The following RIN3 variants were observed in gnomAD, a reference collection of about 807,000 sequenced individuals.
The protein encoded by RIN3 is RAB5 interacting protein 3.
In RIN3, 54 loss-of-function variants were observed where a neutral mutation model predicts 76.3. The observed-to-expected ratio is 0.71, with a 90% CI of 0.57 to 0.89. RIN3 has a LOEUF of 0.89. RIN3 is among the 40% of genes least tolerant of loss of function. The pLI is 0.00. For missense variants in RIN3, 1,256 were observed against 1,322.1 expected, an observed-to-expected ratio of 0.95 and a Z score of 0.78; for synonymous variants, 576 against 564.0, an observed-to-expected ratio of 1.02 and a Z score of -0.30.
intron 7 of RIN3, among the ~76,000 whole-genome samples, chr14:92,669,840 C>T (rs1888227062): frequency 6.6e-6 from 1 of 152,154 alleles, no homozygotes; most frequent in South Asian, 2.1e-4. Context: ...GGCCAGAGAC[C>T]CTGTGGCCCC....
chr14:92,537,634 C>CTTTTTTTTTTTTTTTTTTTTTTT lies in RIN3; in HGVS notation c.45-18112_45-18090dup, dbSNP rs576683908. ...CAGCTATAAGTGAGTGCCTTAGGGACTTTTTTTTTTTTTTTTTTTTTTTTT... is the reference window on the plus strand; with the variant it reads ...CAGCTATAAGTGAGTGCCTTAGGGACTTTTTTTTTTTTTTTTTTTTTTTTTTTTTTTTTTTTTTTTTTTTTTTT... On this transcript the variant is annotated intron_variant, in intron 1 of 9. Coordinates refer to ENST00000216487, the MANE Select transcript of RIN3 (RefSeq NM_024832.5). Among the ~76,000 whole-genome samples, 13 of 51,636 alleles carry CTTTTTTTTTTTTTTTTTTTTTTT rather than the reference C, an allele frequency of 2.5e-4. 3 individuals are homozygous for CTTTTTTTTTTTTTTTTTTTTTTT. Among genetic ancestry groups the CTTTTTTTTTTTTTTTTTTTTTTT allele is most frequent in the Admixed American group, 3.1e-4 (1 of 3,224 alleles). 33.9% of individuals were successfully genotyped at this position (51,636 alleles called of 152,430 possible).
intron 3 of RIN3, among the ~76,000 whole-genome samples, chr14:92,595,327 A>C (rs1280474244): frequency 6.6e-6 from 1 of 152,216 alleles, no homozygotes; most frequent in African/African-American, 2.4e-5. Context: ...GGATTGGGGC[A>C]AGAGTGGAAG....
At chr14:92,621,528 ACT>A (rs1371756629) in intron 4 of RIN3, among the ~76,000 whole-genome samples, 2 of 152,212 alleles carry the variant, frequency 1.3e-5, no homozygotes, top group Non-Finnish European at 2.9e-5. Flanking sequence ...AGGTGGGACA[ACT>A]TGAAAACTGT....
intron 1 of RIN3, among the ~76,000 whole-genome samples, chr14:92,552,045 G>C (rs1566839036): frequency 6.6e-6 from 1 of 152,212 alleles, no homozygotes; most frequent in Non-Finnish European, 1.5e-5. Context: ...TGCATGTTCT[G>C]TTGGGTGATG....
At chr14:92,527,967 G>T (rs1896787249) in intron 1 of RIN3, among the ~76,000 whole-genome samples, 1 of 151,600 alleles carries the variant, frequency 6.6e-6, no homozygotes, top group African/African-American at 2.4e-5. Flanking sequence ...TTTGCATGTA[G>T]ATTGTTTCAT....
rs1489948633 is a variant in RIN3, at chr14:92,514,992, C to T, written c.44+1016C>T. 2.6e-5 allele frequency among the ~76,000 whole-genome samples: 4 copies of T among 152,192 alleles called. No individual in the cohort carries two copies. Among genetic ancestry groups the T allele is most frequent in the Non-Finnish European group, 5.9e-5 (4 of 68,040 alleles). On this transcript the variant is annotated intron_variant, in intron 1 of 9. Coordinates refer to ENST00000216487, the MANE Select transcript of RIN3 (RefSeq NM_024832.5). The surrounding 1 kb of genome is among the most constrained non-coding windows in gnomAD (Gnocchi z 7.2). The stretch of plus-strand genomic sequence containing the variant: ...GCAGTGGGACCTCATCTCCCAGGCC[C>T]TCAGTTCTCTGCTCTGTGAAACAGG...
chr14:92,674,741 C>T (rs7158716), intron 7 of RIN3, among the ~76,000 whole-genome samples: 46,228 of 151,462 alleles, frequency 0.31, 7,544 homozygotes, highest in Non-Finnish European at 0.36. Flanking sequence ...ATACAAAAAT[C>T]AGCTGGGTAT....
intron 3 of RIN3, among the ~76,000 whole-genome samples, chr14:92,603,790 C>T (rs930909612): frequency 1.3e-5 from 2 of 152,184 alleles, no homozygotes; most frequent in African/African-American, 2.4e-5. Flanking sequence ...TTTCCTCAGG[C>T]AGGAAAGGGT....
At chr14:92,515,025 G>A (rs1221485580) in intron 1 of RIN3, 1 of 479,764 alleles carries the variant, frequency 2.1e-6, no homozygotes, top group Non-Finnish European at 3.7e-6. Context: ...AGGAGAGTTG[G>A]GCCCATCTTG....
At chr14:92,561,488 G>A (rs951205727) in intron 2 of RIN3, among the ~76,000 whole-genome samples, 3 of 140,346 alleles carry the variant, frequency 2.1e-5, no homozygotes, top group African/African-American at 7.6e-5. Flanking sequence ...TCTGCATTCA[G>A]GCTGATTTTT....
chr14:92,604,590 C>T (rs1210003418), intron 3 of RIN3, among the ~76,000 whole-genome samples: 1 of 152,132 alleles, frequency 6.6e-6, no homozygotes, highest in Non-Finnish European at 1.5e-5. Flanking sequence ...TCCAAGCCTT[C>T]CTTGTGTCCC....
chr14:92,652,034 C>G lies in RIN3; in HGVS notation c.985C>G (p.Pro329Ala). The G allele has an allele frequency of 3.1e-6, 5 of 1,596,698 alleles. No homozygotes were observed. The highest frequency in any genetic ancestry group is 4.3e-6 in the Non-Finnish European group (5 of 1,176,056). Residue 329 changes from proline (P) to alanine (A), a missense_variant, in exon 6 of 10, where the codon CCC becomes GCC. By Grantham distance (27) the Pro-to-Ala change is conservative. Around this residue, in one of 3 missense-constraint regions of RIN3, gnomAD observed 610 missense variants for 626.4 expected, o/e 0.97. Transcript: ENST00000216487. This position sits in a 1 kb window ranked among gnomAD's most constrained non-coding sequence, Gnocchi z 6.4. Reference sequence around the variant, plus strand: ...CCACGTCACACCCCATGCCCCAGGTCCCCCAGACCATCCGAACCAGCCGCC... The same window carrying G: ...CCACGTCACACCCCATGCCCCAGGTGCCCCAGACCATCCGAACCAGCCGCC... ...APHVTPHAPG[P>A]PDHPNQPPMM...
At chr14:92,543,855 C>G (rs568179537) in intron 1 of RIN3, among the ~76,000 whole-genome samples, 25 of 152,140 alleles carry the variant, frequency 1.6e-4, no homozygotes, top group Middle Eastern at 6.8e-3. Flanking sequence ...TTTATTGGCA[C>G]ATCTCTGATC....
intron 4 of RIN3, among the ~76,000 whole-genome samples, chr14:92,632,913 C>T (rs1300456509): frequency 1.3e-5 from 2 of 152,202 alleles, no homozygotes; most frequent in Admixed American, 6.5e-5. Flanking sequence ...GCTTGGAAAG[C>T]CTTGAACGCC....
chr14:92,586,884 G>C (rs891814510), intron 3 of RIN3, among the ~76,000 whole-genome samples: 2 of 152,150 alleles, frequency 1.3e-5, no homozygotes, highest in Admixed American at 6.5e-5. Flanking sequence ...GCCTACTTTG[G>C]GCCTTGGACG....
intron 2 of RIN3, chr14:92,576,262 G>C: frequency 7.8e-7 from 1 of 1,288,058 alleles, no homozygotes; most frequent in Non-Finnish European, 1.0e-6. Context: ...TTTGTGAAAG[G>C]CAGCAGAATC....
chr14:92,530,076 AAACCAC>A (rs1257799979), intron 1 of RIN3, among the ~76,000 whole-genome samples: 1 of 152,224 alleles, frequency 6.6e-6, no homozygotes, highest in Non-Finnish European at 1.5e-5. Flanking sequence ...TTACAAAACA[AAACCAC>A]AATGAATGAT....
chr14:92,531,149 G>T (rs1397017063), intron 1 of RIN3, among the ~76,000 whole-genome samples: 1 of 152,118 alleles, frequency 6.6e-6, no homozygotes, highest in Non-Finnish European at 1.5e-5. Context: ...GCACCGATGG[G>T]GTGGCTTACA....
rs34494858 is a variant in RIN3 at position 92,674,889 on chromosome 14, CA to C, written c.2336-1570del. ...TGGCAACAAGAGCAAAACTCTGTCT[CA>C]AAAAAAAAAAAAAAAGGGAAAAGAA... On this transcript the variant is annotated intron_variant, in intron 7 of 9. Transcript: ENST00000216487. Among the ~76,000 whole-genome samples the C allele has an allele frequency of 8.2e-3, 970 of 118,486 alleles. 5 individuals are homozygous for C. The highest frequency in any genetic ancestry group is 0.02 in the African/African-American group (632 of 31,312). The allele number at this position is 118,486 out of a possible 152,430, so 77.7% of individuals were successfully genotyped here.
Sources: gnomAD v4.1 joint callset for allele counts (sites outside exome capture counted in the v4.1 genomes callset) on GRCh38, gnomAD v4.1.1 for gene constraint, gnomAD v4.1.1 regional missense constraint, Gnocchi (gnomAD v3.1) non-coding constraint, MANE v1.5 for transcripts, NCBI Gene and HGNC (gene_info 2026-07-23, HGNC 2026-07-21) for gene names.